FKBP10: variants seen among roughly 807,000 people sequenced by gnomAD.
FKBP10 encodes the protein peptidyl-prolyl cis-trans isomerase FKBP10.
Under a neutral mutation model 53.7 loss-of-function variants are expected in FKBP10, and 34 were observed. The observed-to-expected ratio is 0.63, with a 90% CI of 0.48 to 0.84. FKBP10 has a LOEUF of 0.84. Ranked by LOEUF, FKBP10 falls within the 40% of genes least tolerant of loss-of-function variation. FKBP10 has a pLI of 0.00. For synonymous variants in FKBP10, 324 were observed against 335.7 expected, an observed-to-expected ratio of 0.97 and a Z score of 0.38; for missense variants, 748 against 797.8, an observed-to-expected ratio of 0.94 and a Z score of 0.75.
chr17:41,821,036 G>A lies in FKBP10; in HGVS notation c.1346G>A (p.Gly449Glu). 2 of 1,599,228 alleles carry A rather than the reference G, an allele frequency of 1.3e-6. No individual in the cohort carries two copies. Among genetic ancestry groups the A allele is most frequent in the Non-Finnish European group, 1.7e-6 (2 of 1,173,012 alleles). Reference protein sequence around the residue: ...LDTGLQGMCVGERRQLIVPPH... With the variant: ...LDTGLQGMCVEERRQLIVPPH... ...ACGGGCCTGCAGGGCATGTGTGTGG[G>A]AGAGAGGCGGCAGCTCATCGTGCCC... Residue 449 changes from glycine (G) to glutamate (E), a missense_variant, in exon 8 of 10, where the codon GGA becomes GAA. Gly to Glu is a moderately conservative substitution (Grantham distance 98, BLOSUM62 -2). Coordinates refer to ENST00000321562, the MANE Select transcript of FKBP10 (RefSeq NM_021939.4).
In FKBP10 at chr17:41,813,010, G is replaced by A; in HGVS notation, c.-25G>A. 1 of 1,608,830 alleles carries A rather than the reference G, an allele frequency of 6.2e-7. No homozygotes were observed. The highest frequency in any genetic ancestry group is 8.5e-7 in the Non-Finnish European group (1 of 1,179,356). ...GGCGACTCCCTCGCTCGCCCTCACT[G>A]CCGGCGGTCCCAACTCCAGGCACCA... On this transcript the variant is annotated 5_prime_UTR_variant, in exon 1 of 10. Transcript: ENST00000321562.
At chr17:41,822,199 TC>T in intron 9 of FKBP10, 23 bp from the exon 10 acceptor site, 1 of 1,605,280 alleles carries the variant, frequency 6.2e-7, no homozygotes, top group Non-Finnish European at 8.5e-7. Context: ...CACTGCCCGC[TC>T]CCCCGGCTCT....
chr17:41,816,376 G>A (rs528891949), intron 1 of FKBP10, among the ~76,000 whole-genome samples: 2 of 151,238 alleles, frequency 1.3e-5, no homozygotes, highest in African/African-American at 4.9e-5. Context: ...GACTACAGGC[G>A]CCCGCCACCA....
chr17:41,820,628 G>C, intron 7 of FKBP10, 167 bp downstream of exon 7: 1 of 751,292 alleles, frequency 1.3e-6, no homozygotes, highest in Non-Finnish European at 2.2e-6. Context: ...GCATGTCGAG[G>C]AGATGAAATT....
At chr17:41,817,976 T>G in intron 2 of FKBP10, 113 bp from the exon 3 acceptor site, 4 of 1,088,468 alleles carry the variant, frequency 3.7e-6, no homozygotes, top group Non-Finnish European at 5.4e-6. Context: ...TCTCTGTCCC[T>G]GGTTTGGGTC....
At chr17:41,818,797 T>C (rs1555616488) in intron 4 of FKBP10, 1 of 448,098 alleles carries the variant, frequency 2.2e-6, no homozygotes, top group African/African-American at 2.1e-5. Context: ...CTACTAAAAA[T>C]ACAAAAAAAT....
rs782350228 is a variant in FKBP10 at position 41,818,219 on chromosome 17, C to T, written c.522C>T (p.Gly174=). 4.4e-5 allele frequency: 71 copies of T among 1,613,304 alleles called. No homozygotes were observed. Among genetic ancestry groups the T allele is most frequent in the Non-Finnish European group, 5.5e-5 (65 of 1,180,020 alleles). The change falls in exon 3 of 10, where the codon GGC becomes GGT. Residue 174 remains glycine (G), a synonymous_variant. Coordinates refer to ENST00000321562, the MANE Select transcript of FKBP10 (RefSeq NM_021939.4). ...ACTGCCCCCGCATGGTCCAGGACGG[C>T]GACTTTGTCCGCTACCACTACAATG... ...PPHCPRMVQD[G]DFVRYHYNGT...
Position 41,820,473 on chromosome 17 carries a change from G to C in FKBP10, c.1256+12G>C, listed in dbSNP as rs368737604. 9.9e-6 allele frequency: 16 copies of C among 1,613,254 alleles called. No homozygotes were observed. Among genetic ancestry groups the C allele is most frequent in the Admixed American group, 8.3e-5 (5 of 60,002 alleles). On this transcript the variant is annotated intron_variant, in intron 7 of 9. Coordinates refer to ENST00000321562, the MANE Select transcript of FKBP10 (RefSeq NM_021939.4). Reference sequence around the variant, plus strand: ...CAGCTGTTCACCTCGTGGGTCCGGGGGGGGGCCGGGACTGGGCAGGTGGGT... The same window carrying C: ...CAGCTGTTCACCTCGTGGGTCCGGGCGGGGGCCGGGACTGGGCAGGTGGGT...
At chr17:41,820,615 G>A (rs1337657605) in intron 7 of FKBP10, 154 bp downstream of exon 7, 27 of 810,400 alleles carry the variant, frequency 3.3e-5, no homozygotes, top group Non-Finnish European at 3.8e-5. Context: ...TCCCCATCTC[G>A]GAGCATGTCG....
chr17:41,816,066 A>T (rs1201281055), intron 1 of FKBP10, among the ~76,000 whole-genome samples: 4 of 150,644 alleles, frequency 2.7e-5, no homozygotes, highest in Non-Finnish European at 5.9e-5. Flanking sequence ...TAAACCCGGG[A>T]GGTGGAGGTT....
intron 6 of FKBP10, 22 bp from the exon 7 acceptor site, chr17:41,820,247 C>T: frequency 6.2e-7 from 1 of 1,613,708 alleles, no homozygotes; most frequent in Non-Finnish European, 8.5e-7. Flanking sequence ...GAGCTGACCA[C>T]ACTCCCCCAT....
intron 2 of FKBP10, 49 bp downstream of exon 2, chr17:41,817,252 G>A: frequency 6.2e-7 from 1 of 1,603,154 alleles, no homozygotes; most frequent in Non-Finnish European, 8.5e-7. Context: ...CCACGAGGCA[G>A]AATCAGGGAT....
chr17:41,820,648 G>C, intron 7 of FKBP10, 187 bp downstream of exon 7: 1 of 699,256 alleles, frequency 1.4e-6, no homozygotes, highest in East Asian at 2.7e-5. Context: ...TCTCTGCTTC[G>C]CAGGGGAAGG....
chr17:41,820,163 C>G (rs1415727668), intron 6 of FKBP10, 106 bp from the exon 7 acceptor site: 1 of 1,354,690 alleles, frequency 7.4e-7, no homozygotes, highest in Non-Finnish European at 1.0e-6. Context: ...TCCTTTGGAT[C>G]CTCAGGGTCG....
Position 41,817,140 on chromosome 17 carries a change from T to TG in FKBP10, c.329dup (p.Cys110TrpfsTer88). 1 of 1,614,008 alleles carries TG rather than the reference T, an allele frequency of 6.2e-7. No individual in the cohort carries two copies. The highest frequency in any genetic ancestry group is 8.5e-7 in the Non-Finnish European group (1 of 1,180,018). ...CATGGACCGAGGCCTCATGGGCATGTGTGTCAACGAGCGGCGACGCCTCAT... is the reference window on the plus strand; with the variant it reads ...CATGGACCGAGGCCTCATGGGCATGTGGTGTCAACGAGCGGCGACGCCTCAT... On this transcript the variant is annotated frameshift_variant, in exon 2 of 10. Coordinates refer to ENST00000321562, the MANE Select transcript of FKBP10 (RefSeq NM_021939.4). LOFTEE classifies it high-confidence loss of function.
intron 1 of FKBP10, among the ~76,000 whole-genome samples, chr17:41,814,969 T>A (rs533549313): frequency 1.3e-5 from 2 of 152,138 alleles, no homozygotes; most frequent in African/African-American, 2.4e-5. Context: ...TGGAGTGCAA[T>A]GGAGCAATCT....
intron 2 of FKBP10, among the ~76,000 whole-genome samples, chr17:41,817,772 T>C (rs1205253960): frequency 1.3e-5 from 2 of 151,126 alleles, no homozygotes; most frequent in African/African-American, 4.9e-5. Context: ...GGACTACAGG[T>C]GCACACCACC....
At chr17:41,819,027 G>C in intron 4 of FKBP10, 183 bp from the exon 5 acceptor site, 1 of 632,126 alleles carries the variant, frequency 1.6e-6, no homozygotes, top group Non-Finnish European at 2.8e-6. Context: ...GCCGGTGGTG[G>C]CCCTGGGGAA....
intron 1 of FKBP10, 100 bp downstream of exon 1, chr17:41,813,379 A>G (rs2047773672): frequency 6.6e-7 from 1 of 1,509,218 alleles, no homozygotes; most frequent in East Asian, 2.3e-5. Context: ...CCAATACTCT[A>G]ACCCTAGACA....
Sources: gnomAD v4.1 joint callset for allele counts (sites outside exome capture counted in the v4.1 genomes callset) on GRCh38, gnomAD v4.1.1 for gene constraint, MANE v1.5 for transcripts, NCBI Gene and HGNC (gene_info 2026-07-23, HGNC 2026-07-21) for gene names.